C5orf34: variants seen among roughly 807,000 people sequenced by gnomAD.
C5orf34 encodes chromosome 5 open reading frame 34.
In C5orf34, 73 loss-of-function variants were observed where a neutral mutation model predicts 78.4. The observed-to-expected ratio is 0.93, with a 90% CI of 0.77 to 1.13. C5orf34 has a LOEUF of 1.13. C5orf34 is among the 50% of genes most tolerant of loss of function. The probability of loss-of-function intolerance (pLI) is 0.00; values close to 1 mark genes in which losing one functional copy is unlikely to be tolerated. For missense variants in C5orf34, 730 were observed against 732.7 expected (o/e 1.00, Z 0.04); for synonymous variants, 251 against 246.6 (o/e 1.02, Z -0.17).
chr5:43,494,435 A>C, intron 7 of C5orf34, 75 bp downstream of exon 7: 1 of 965,650 alleles, frequency 1.0e-6, no homozygotes, highest in Non-Finnish European at 1.6e-6. Flanking sequence ...TCTTAATCTT[A>C]TCCTTAATCA....
At chr5:43,508,993 G>A in intron 2 of C5orf34, 152 bp downstream of exon 2, 1 of 641,544 alleles carries the variant, frequency 1.6e-6, no homozygotes, top group Non-Finnish European at 2.7e-6. Context: ...TAACTCCCTT[G>A]TAAAAGGAGG....
At chr5:43,492,584 C>A in intron 9 of C5orf34, 136 bp downstream of exon 9, 1 of 757,992 alleles carries the variant, frequency 1.3e-6, no homozygotes. Context: ...CTAGGAAATC[C>A]AAAGAGATCA....
intron 3 of C5orf34, among the ~76,000 whole-genome samples, chr5:43,508,353 A>C (rs886462301): frequency 6.6e-6 from 1 of 152,176 alleles, no homozygotes; most frequent in African/African-American, 2.4e-5. Flanking sequence ...TAATTACTTA[A>C]TTTTGAGACC....
At chr5:43,507,188 T>A (rs964952960) in intron 3 of C5orf34, among the ~76,000 whole-genome samples, 1 of 152,222 alleles carries the variant, frequency 6.6e-6, no homozygotes, top group Non-Finnish European at 1.5e-5. Flanking sequence ...AAAAGACTCA[T>A]AACAAGTAAC....
chr5:43,514,118 C>T (rs960150896), intron 1 of C5orf34: 1 of 152,214 alleles, frequency 6.6e-6, no homozygotes, highest in African/African-American at 2.4e-5. Context: ...ACTTTCCACT[C>T]CATGCCCCTG....
chr5:43,486,937 A>ATTCT lies in C5orf34; in HGVS notation c.1894_1895insAGAA (p.Leu632GlnfsTer7). The ATTCT allele has an allele frequency of 6.5e-7, 1 of 1,534,934 alleles. No individual in the cohort carries two copies. Among genetic ancestry groups the ATTCT allele is most frequent in the Non-Finnish European group, 8.7e-7 (1 of 1,146,024 alleles). ...TTTTCACTTTTTAGAGTTTGATAGAAGACAGTCAATATCGTGAAGGATTTC... is the reference window on the plus strand; with the variant it reads ...TTTTCACTTTTTAGAGTTTGATAGAATTCTGACAGTCAATATCGTGAAGGATTTC... On this transcript the variant is annotated frameshift_variant, in exon 13 of 13. Transcript: ENST00000306862. LOFTEE classifies it high-confidence loss of function.
chr5:43,495,281 A>G, intron 6 of C5orf34: 1 of 1,608,104 alleles, frequency 6.2e-7, no homozygotes, highest in Non-Finnish European at 8.5e-7. Context: ...AGACTTCAAG[A>G]ATTTAGGGCC....
At chr5:43,493,073 TTATAA>T (rs754408065) in intron 8 of C5orf34, among the ~76,000 whole-genome samples, 183 bp from the exon 9 acceptor site, 7 of 149,318 alleles carry the variant, frequency 4.7e-5, no homozygotes, top group Admixed American at 6.7e-5. Flanking sequence ...GCAGATTCAG[TTATAA>T]TATATTTGTA....
intron 6 of C5orf34, among the ~76,000 whole-genome samples, chr5:43,499,725 C>T (rs185047830): frequency 3.9e-5 from 6 of 152,228 alleles, no homozygotes; most frequent in Admixed American, 2.0e-4. Flanking sequence ...CGTGTTCTAA[C>T]GCAAGTTTCT....
intron 6 of C5orf34, chr5:43,495,365 G>A (rs577880200): frequency 1.3e-4 from 206 of 1,611,834 alleles, no homozygotes; most frequent in African/African-American, 1.1e-3. Context: ...AATGTGAGCC[G>A]CGTGGCAATC....
chr5:43,505,660 G>T, intron 4 of C5orf34, 88 bp downstream of exon 4: 3 of 1,360,722 alleles, frequency 2.2e-6, no homozygotes. Context: ...AACTTTCCTT[G>T]TGAATGGTAT....
chr5:43,488,766 C>T (rs1745159047), intron 11 of C5orf34, among the ~76,000 whole-genome samples: 1 of 152,020 alleles, frequency 6.6e-6, no homozygotes, highest in Non-Finnish European at 1.5e-5. Context: ...TATCCTTTTT[C>T]TTATCAAGTT....
chr5:43,491,609 A>G (rs1288369175), intron 10 of C5orf34, among the ~76,000 whole-genome samples: 1 of 152,232 alleles, frequency 6.6e-6, no homozygotes, highest in Non-Finnish European at 1.5e-5. Context: ...GGATTAGTTA[A>G]TTGTTAACAC....
At chr5:43,507,920 T>C (rs890621964) in intron 3 of C5orf34, among the ~76,000 whole-genome samples, 1 of 151,922 alleles carries the variant, frequency 6.6e-6, no homozygotes, top group Non-Finnish European at 1.5e-5. Flanking sequence ...CTACTAAAAA[T>C]GCAAGAAATT....
chr5:43,507,034 T>C (rs1328110899), intron 3 of C5orf34, among the ~76,000 whole-genome samples: 1 of 152,198 alleles, frequency 6.6e-6, no homozygotes, highest in Non-Finnish European at 1.5e-5. Flanking sequence ...TGCAGGGTTA[T>C]CACATGAACC....
chr5:43,496,433 T>C, intron 6 of C5orf34: 1 of 1,590,748 alleles, frequency 6.3e-7, no homozygotes. Flanking sequence ...ACAATGTTGA[T>C]ATGAGTCTTT....
At chr5:43,502,845 T>C (rs57403343) in intron 5 of C5orf34, among the ~76,000 whole-genome samples, 73,932 of 151,974 alleles carry the variant, frequency 0.49, 18,847 homozygotes, top group Middle Eastern at 0.63. Flanking sequence ...AAATACAACA[T>C]TTCCAGAACC....
In C5orf34 at chr5:43,503,760, C is replaced by CCATCATTCTCAGTAAACTAT; in HGVS notation, c.933-1_933insATAGTTTACTGAGAATGATG (p.Trp312Ter). On this transcript the variant is annotated stop_gained and frameshift_variant and splice_region_variant. Transcript: ENST00000306862. LOFTEE classifies it high-confidence loss of function. The stretch of plus-strand genomic sequence containing the variant: ...GTAAAAGTGAATCACAAAAATTCCA[C>CCATCATTCTCAGTAAACTAT]CTGTGAAGGATAAAATACAAGCTAT... The CCATCATTCTCAGTAAACTAT allele has an allele frequency of 6.3e-7, 1 of 1,598,372 alleles. No individual in the cohort carries two copies. Among genetic ancestry groups the CCATCATTCTCAGTAAACTAT allele is most frequent in the Non-Finnish European group, 8.6e-7 (1 of 1,165,878 alleles).
chr5:43,504,547 C>T (rs553917762), intron 4 of C5orf34, among the ~76,000 whole-genome samples: 2 of 152,216 alleles, frequency 1.3e-5, no homozygotes, highest in South Asian at 4.1e-4. Context: ...TGGAAATGAG[C>T]ATAATTTAGC....
Sources: gnomAD v4.1 joint callset for allele counts (sites outside exome capture counted in the v4.1 genomes callset) on GRCh38, gnomAD v4.1.1 for gene constraint, MANE v1.5 for transcripts, NCBI Gene and HGNC (gene_info 2026-07-23, HGNC 2026-07-21) for gene names.